MAPK14: variants seen among roughly 807,000 people sequenced by gnomAD.
The protein encoded by MAPK14 is mitogen-activated protein kinase 14.
A neutral mutation model predicts 49.6 loss-of-function variants in MAPK14; 16 were observed. That is an observed-to-expected ratio of 0.32 (90% CI 0.22 to 0.49). The LOEUF is 0.49. Ranked by LOEUF, MAPK14 falls within the 20% of genes least tolerant of loss-of-function variation. The pLI, the probability that MAPK14 is intolerant of heterozygous loss-of-function variation, is 0.99. For synonymous variants in MAPK14, 142 were observed against 158.0 expected (o/e 0.90, Z 0.76); for missense variants, 200 against 441.2 (o/e 0.45, Z 4.90).
At chr6:36,053,288 GC>G (rs1207145907) in intron 2 of MAPK14, among the ~76,000 whole-genome samples, 3 of 149,858 alleles carry the variant, frequency 2.0e-5, no homozygotes, top group Non-Finnish European at 4.5e-5. Flanking sequence ...GAGAAAGAGT[GC>G]CTTAGGCTCA....
chr6:36,072,328 C>CT (rs762602670), intron 3 of MAPK14, among the ~76,000 whole-genome samples: 3 of 151,522 alleles, frequency 2.0e-5, no homozygotes, highest in South Asian at 2.1e-4. Context: ...GACCCTGTCT[C>CT]TAAAAAAAAG....
chr6:36,070,625 C>T (rs1764232557), intron 3 of MAPK14, among the ~76,000 whole-genome samples: 1 of 152,124 alleles, frequency 6.6e-6, no homozygotes, highest in Non-Finnish European at 1.5e-5. Flanking sequence ...TTCCTCAAGG[C>T]CGTATAAACA....
At chr6:36,112,408 T>C (rs1290517625), downstream of MAPK14, among the ~76,000 whole-genome samples, 1 of 152,172 alleles carries the variant, frequency 6.6e-6, no homozygotes, top group Non-Finnish European at 1.5e-5. Context: ...CACTGGGGGA[T>C]AGGGGAAACC....
In MAPK14 at chr6:36,075,955, C is replaced by A; in HGVS notation, c.603C>A (p.Asn201Lys). Reference sequence around the variant, plus strand: ...TCATGCTGAACTGGATGCATTACAACCAGACAGGTATTACTCGCCTTGGTT... The same window carrying A: ...TCATGCTGAACTGGATGCATTACAAACAGACAGGTATTACTCGCCTTGGTT... Reference protein sequence around the residue: ...PEIMLNWMHYNQTVDIWSVGC... With the variant: ...PEIMLNWMHYKQTVDIWSVGC... The change falls in exon 7 of 12, where the codon AAC (asparagine) becomes AAA (lysine). Residue 201 changes from asparagine (N) to lysine (K), a missense_variant. Asn to Lys is a moderately conservative substitution (Grantham distance 94). Transcript: ENST00000229794. 6.2e-7 allele frequency: 1 copy of A among 1,614,008 alleles called. No individual in the cohort carries two copies. Among genetic ancestry groups the A allele is most frequent in the Non-Finnish European group, 8.5e-7 (1 of 1,179,984 alleles).
At chr6:36,124,211 ACT>A in the MAPK14 span, among the ~76,000 whole-genome samples, 1 of 129,704 alleles carries the variant, frequency 7.7e-6, no homozygotes, top group Non-Finnish European at 1.6e-5. Flanking sequence ...ATGCAGTTTC[ACT>A]CTTGTTGCCC....
chr6:36,036,734 T>A (rs1304968992), intron 1 of MAPK14, among the ~76,000 whole-genome samples: 9 of 121,904 alleles, frequency 7.4e-5, no homozygotes, highest in Admixed American at 1.1e-4. Context: ...AGCAAAAAAA[T>A]ATTTATTTAT....
At chr6:36,074,028 T>C in intron 5 of MAPK14, 21 bp from the exon 6 acceptor site, 1 of 1,591,430 alleles carries the variant, frequency 6.3e-7, no homozygotes, top group Non-Finnish European at 8.6e-7. Flanking sequence ...TGATCCTGTC[T>C]TCCCTGTATT....
In MAPK14 at chr6:36,087,001, C is replaced by G. The variant is rs764284632; in HGVS notation, c.683-8986C>G. Among the ~76,000 whole-genome samples, 58 of 152,312 alleles carry G rather than the reference C, an allele frequency of 3.8e-4. No individual in the cohort carries two copies. In the Middle Eastern group the frequency reaches 0.014, roughly 36 times the overall value. On this transcript the variant is annotated intron_variant, in intron 8 of 11. Transcript: ENST00000229794. The stretch of plus-strand genomic sequence containing the variant: ...CAAGGCTGTTTTAACATATGCAAAT[C>G]AATAAACATAATTGATCACATAAAC...
the MAPK14 span, among the ~76,000 whole-genome samples, chr6:36,119,257 A>G: frequency 6.6e-6 from 1 of 152,238 alleles, no homozygotes; most frequent in South Asian, 2.1e-4. Flanking sequence ...AAATGGAGAA[A>G]GGCTTTCAAA....
At chr6:36,045,826 A>AG (rs1763157743) in intron 1 of MAPK14, among the ~76,000 whole-genome samples, 1 of 150,962 alleles carries the variant, frequency 6.6e-6, no homozygotes, top group Non-Finnish European at 1.5e-5. Context: ...AAAAAAAAAA[A>AG]AAAAAAAGAA....
intron 8 of MAPK14, among the ~76,000 whole-genome samples, chr6:36,088,548 C>T (rs1765083694): frequency 6.6e-6 from 1 of 151,882 alleles, no homozygotes. Context: ...TGGCGAAACC[C>T]CATCTCTACT....
chr6:36,077,446 A>G (rs1020428859), intron 8 of MAPK14, among the ~76,000 whole-genome samples: 1 of 151,856 alleles, frequency 6.6e-6, no homozygotes, highest in African/African-American at 2.4e-5. Context: ...AATATTAGAC[A>G]TGCTACCTCT....
intron 1 of MAPK14, among the ~76,000 whole-genome samples, chr6:36,043,461 G>A (rs1033042736): frequency 1.3e-5 from 2 of 152,108 alleles, no homozygotes. Flanking sequence ...TTCCAAAATG[G>A]CAGGACAGAG....
At chr6:36,123,642 G>C in the MAPK14 span, among the ~76,000 whole-genome samples, 1 of 152,232 alleles carries the variant, frequency 6.6e-6, no homozygotes, top group Non-Finnish European at 1.5e-5. Flanking sequence ...CAGTGCCAGG[G>C]GGCTCAGCAG....
chr6:36,112,065 G>A (rs916211778), downstream of MAPK14, among the ~76,000 whole-genome samples: 2 of 152,184 alleles, frequency 1.3e-5, no homozygotes, highest in African/African-American at 4.8e-5. Context: ...AATTAGCTGG[G>A]CGTGGTGGTG....
chr6:36,045,808 CAAAAAAAAAAAAAAA>C (rs371920281), intron 1 of MAPK14, among the ~76,000 whole-genome samples: 26 of 46,404 alleles, frequency 5.6e-4, no homozygotes, highest in Middle Eastern at 0.026. Flanking sequence ...GACTCTGTCT[CAAAAAAAAAAAAAAA>C]AAAAAAAAAA....
At chr6:36,090,329 T>A (rs1299771475) in intron 8 of MAPK14, among the ~76,000 whole-genome samples, 1 of 151,840 alleles carries the variant, frequency 6.6e-6, no homozygotes, top group Non-Finnish European at 1.5e-5. Flanking sequence ...AAATACTCTT[T>A]CTTTTTTTTT....
At chr6:36,080,734 T>C (rs1581805803) in intron 8 of MAPK14, among the ~76,000 whole-genome samples, 1 of 152,176 alleles carries the variant, frequency 6.6e-6, no homozygotes, top group Non-Finnish European at 1.5e-5. Flanking sequence ...TTGCATCATA[T>C]GGTAACTCTA....
intron 9 of MAPK14, chr6:36,097,306 T>G (rs1320479055): frequency 6.6e-6 from 1 of 152,248 alleles, no homozygotes; most frequent in Admixed American, 6.5e-5. Context: ...ATCCCAGATG[T>G]TCTGATAACA....
Sources: gnomAD v4.1 joint callset for allele counts (sites outside exome capture counted in the v4.1 genomes callset) on GRCh38, gnomAD v4.1.1 for gene constraint, MANE v1.5 for transcripts, NCBI Gene and HGNC (gene_info 2026-07-23, HGNC 2026-07-21) for gene names.